CTNNA2: variants seen among roughly 807,000 people sequenced by gnomAD.
CTNNA2 encodes the protein catenin alpha 2, also known as catenin alpha-2.
CTNNA2 carries 42 observed loss-of-function variants against 101.0 expected under a neutral mutation model. The observed-to-expected ratio is 0.42, with a 90% confidence interval of 0.32 to 0.54. The LOEUF (loss-of-function observed/expected upper bound fraction) is 0.54, where lower values mean the gene tolerates loss of function less well. CTNNA2 is among the 20% of genes least tolerant of loss of function. The pLI is 0.14. For synonymous variants in CTNNA2, 450 were observed against 456.4 expected (o/e 0.99, Z 0.18); for missense variants, 871 against 1,223.1 (o/e 0.71, Z 4.29).
intron 3 of CTNNA2, among the ~76,000 whole-genome samples, chr2:79,348,524 A>G (rs562454123): frequency 5.9e-5 from 9 of 152,360 alleles, no homozygotes; most frequent in Admixed American, 2.6e-4. Context: ...TGGAGACAGC[A>G]GCAAAGCGGA....
At chr2:80,286,753 C>G (rs1674798684) in intron 7 of CTNNA2, among the ~76,000 whole-genome samples, 1 of 152,162 alleles carries the variant, frequency 6.6e-6, no homozygotes, top group African/African-American at 2.4e-5. Flanking sequence ...AAACCGTTTC[C>G]TTTTGCTGTA....
chr2:79,524,988 C>G (rs1558698421), intron 1 of CTNNA2, among the ~76,000 whole-genome samples: 2 of 151,476 alleles, frequency 1.3e-5, no homozygotes, highest in Non-Finnish European at 3.0e-5. Flanking sequence ...GAATAATGAT[C>G]TAATGGTGGT....
chr2:79,365,789 G>C (rs879757979), intron 3 of CTNNA2, among the ~76,000 whole-genome samples: 3 of 152,102 alleles, frequency 2.0e-5, no homozygotes, highest in Non-Finnish European at 4.4e-5. Flanking sequence ...CAGCAACTTT[G>C]CTTTGTACAC....
At chr2:79,524,288 C>T (rs1315815008) in intron 1 of CTNNA2, among the ~76,000 whole-genome samples, 1 of 151,716 alleles carries the variant, frequency 6.6e-6, no homozygotes. Flanking sequence ...AAATATTTCT[C>T]ATTTTGTGTT....
intron 4 of CTNNA2, among the ~76,000 whole-genome samples, chr2:79,401,387 C>T (rs1243604315): frequency 1.3e-5 from 2 of 151,474 alleles, no homozygotes; most frequent in African/African-American, 2.4e-5. Context: ...GAGACAGCTA[C>T]ACAACTCAAT....
intron 2 of CTNNA2, among the ~76,000 whole-genome samples, chr2:79,704,818 CAG>C (rs1402834598): frequency 6.6e-6 from 1 of 152,120 alleles, no homozygotes; most frequent in African/African-American, 2.4e-5. Context: ...TCATAAAAAG[CAG>C]AGAGTTTTCA....
intron 8 of CTNNA2, among the ~76,000 whole-genome samples, chr2:80,418,710 A>G (rs1261665468): frequency 6.6e-6 from 1 of 152,160 alleles, no homozygotes; most frequent in Non-Finnish European, 1.5e-5. Flanking sequence ...TGTATATCCC[A>G]TATACATTCA....
At chr2:80,601,190 T>C (rs182518) in intron 15 of CTNNA2, among the ~76,000 whole-genome samples, 83,411 of 151,840 alleles carry the variant, frequency 0.55, 23,140 homozygotes, top group East Asian at 0.62. Flanking sequence ...GTCATTTCTT[T>C]GGGTTTTTTC....
chr2:79,351,708 A>C (rs1415848224), intron 3 of CTNNA2, among the ~76,000 whole-genome samples: 1 of 152,096 alleles, frequency 6.6e-6, no homozygotes, highest in East Asian at 1.9e-4. Context: ...TTTCTGTGTT[A>C]GTTCACTTAT....
At chr2:80,514,954 G>A (rs1688997504) in intron 9 of CTNNA2, among the ~76,000 whole-genome samples, 1 of 152,248 alleles carries the variant, frequency 6.6e-6, no homozygotes, top group Non-Finnish European at 1.5e-5. Context: ...TGGCTTGAAG[G>A]TGCGGTTTCA....
chr2:79,850,558 T>C (rs2103901379), intron 3 of CTNNA2, among the ~76,000 whole-genome samples: 1 of 152,208 alleles, frequency 6.6e-6, no homozygotes, highest in East Asian at 1.9e-4. Context: ...TGTAAACAAA[T>C]AATTTTCACA....
At chr2:79,962,627 A>G (rs557898840) in intron 7 of CTNNA2, among the ~76,000 whole-genome samples, 1 of 152,322 alleles carries the variant, frequency 6.6e-6, no homozygotes, top group African/African-American at 2.4e-5. Flanking sequence ...TGGAGAACCA[A>G]CTGTGCTGGA....
At chr2:80,632,131 T>C (rs1358610558) in intron 18 of CTNNA2, among the ~76,000 whole-genome samples, 4 of 151,994 alleles carry the variant, frequency 2.6e-5, no homozygotes, top group South Asian at 4.2e-4. Flanking sequence ...ATCCATAATC[T>C]CCATTTGTAC....
At chr2:79,365,573 C>G (rs1369641414) in intron 3 of CTNNA2, among the ~76,000 whole-genome samples, 1 of 145,766 alleles carries the variant, frequency 6.9e-6, no homozygotes, top group Non-Finnish European at 1.5e-5. Flanking sequence ...CTGTGGTGAG[C>G]TATGATGGCA....
At chr2:80,286,667 C>T (rs1674792922) in intron 7 of CTNNA2, among the ~76,000 whole-genome samples, 1 of 152,146 alleles carries the variant, frequency 6.6e-6, no homozygotes, top group African/African-American at 2.4e-5. Flanking sequence ...ATCCCACCCA[C>T]CTAACTAGAC....
At chr2:80,490,404 C>A (rs561018116) in intron 9 of CTNNA2, among the ~76,000 whole-genome samples, 1 of 151,232 alleles carries the variant, frequency 6.6e-6, no homozygotes, top group African/African-American at 2.4e-5. Context: ...AGACAAAGTG[C>A]GAATGAATGA....
chr2:79,513,798 A>G (rs1174416085), intron 1 of CTNNA2, among the ~76,000 whole-genome samples: 2 of 152,216 alleles, frequency 1.3e-5, no homozygotes, highest in Non-Finnish European at 2.9e-5. Flanking sequence ...CCTCTTCAGC[A>G]GTTTCTTTTT....
At chr2:80,265,852 G>T (rs1672965730) in intron 7 of CTNNA2, among the ~76,000 whole-genome samples, 1 of 152,128 alleles carries the variant, frequency 6.6e-6, no homozygotes. Context: ...TGGGAACTTG[G>T]AAAACTAAAG....
chr2:80,306,360 G>T (rs544142776), intron 7 of CTNNA2, among the ~76,000 whole-genome samples: 1 of 149,770 alleles, frequency 6.7e-6, no homozygotes, highest in African/African-American at 2.5e-5. Flanking sequence ...GGCACAGATG[G>T]TTTTTTCTTT....
Sources: gnomAD v4.1 joint callset for allele counts (sites outside exome capture counted in the v4.1 genomes callset) on GRCh38, gnomAD v4.1.1 for gene constraint, MANE v1.5 for transcripts, NCBI Gene and HGNC (gene_info 2026-07-23, HGNC 2026-07-21) for gene names.